SLC4A10: variants seen among roughly 807,000 people sequenced by gnomAD.
SLC4A10 encodes sodium-driven chloride bicarbonate exchanger.
SLC4A10 carries 42 observed loss-of-function variants against 137.7 expected under a neutral mutation model. The ratio of observed to expected loss-of-function variants is 0.30; its 90% CI spans 0.24 to 0.39. SLC4A10 has a LOEUF of 0.39. SLC4A10 is among the 10% of genes least tolerant of loss of function. The probability of loss-of-function intolerance (pLI) is 1.00; values close to 1 mark genes in which losing one functional copy is unlikely to be tolerated. For synonymous variants in SLC4A10, 474 were observed against 464.1 expected (o/e 1.02, Z -0.27); for missense variants, 925 against 1,355.0 (o/e 0.68, Z 4.98).
At chr2:161,788,959 C>G (rs970145568) in intron 2 of SLC4A10, among the ~76,000 whole-genome samples, 4 of 152,300 alleles carry the variant, frequency 2.6e-5, no homozygotes, top group Admixed American at 6.5e-5. Flanking sequence ...TTCCATGGAA[C>G]CTGCAGCTCC....
intron 15 of SLC4A10, among the ~76,000 whole-genome samples, chr2:161,913,706 A>C (rs1686410567): frequency 6.6e-6 from 1 of 151,198 alleles, no homozygotes; most frequent in Admixed American, 6.9e-5. Flanking sequence ...TGAAGAGTAG[A>C]ACCCTTTTTT....
At chr2:161,752,626 T>C (rs1325004973) in intron 1 of SLC4A10, among the ~76,000 whole-genome samples, 1 of 152,054 alleles carries the variant, frequency 6.6e-6, no homozygotes, top group Non-Finnish European at 1.5e-5. Flanking sequence ...AATGGAATAA[T>C]ATTCAGCCAT....
intron 3 of SLC4A10, among the ~76,000 whole-genome samples, chr2:161,812,511 C>A (rs985909097): frequency 7.9e-5 from 12 of 151,966 alleles, no homozygotes; most frequent in African/African-American, 2.7e-4. Context: ...AACCCTTGTT[C>A]CCTACCCTCC....
intron 1 of SLC4A10, among the ~76,000 whole-genome samples, chr2:161,709,144 A>T (rs1402000822): frequency 6.6e-6 from 1 of 151,486 alleles, no homozygotes; most frequent in Non-Finnish European, 1.5e-5. Flanking sequence ...TTCCAGATTA[A>T]GCCTGAATAG....
chr2:161,961,408 T>A (rs1696688951), intron 21 of SLC4A10, among the ~76,000 whole-genome samples: 1 of 152,238 alleles, frequency 6.6e-6, no homozygotes, highest in Non-Finnish European at 1.5e-5. Context: ...CCATGTTATA[T>A]GTTTTAATTT....
At chr2:161,781,777 G>A (rs2053044835) in intron 2 of SLC4A10, among the ~76,000 whole-genome samples, 2 of 151,988 alleles carry the variant, frequency 1.3e-5, no homozygotes, top group African/African-American at 2.4e-5. Context: ...TTCCCTTTGT[G>A]GGAAATCCAG....
At chr2:161,663,544 A>T (rs1218335720) in intron 1 of SLC4A10, among the ~76,000 whole-genome samples, 2 of 152,124 alleles carry the variant, frequency 1.3e-5, no homozygotes, top group East Asian at 3.8e-4. Flanking sequence ...CTTTTAACAT[A>T]CTTGAATCTA....
intron 1 of SLC4A10, among the ~76,000 whole-genome samples, chr2:161,642,138 T>C (rs1375992539): frequency 6.6e-6 from 1 of 151,958 alleles, no homozygotes; most frequent in East Asian, 1.9e-4. Flanking sequence ...CATGGCCTGG[T>C]ATAGAACTAA....
At chr2:161,975,183 C>G (rs4340536) in intron 24 of SLC4A10, among the ~76,000 whole-genome samples, 57,429 of 151,958 alleles carry the variant, frequency 0.38, 11,479 homozygotes, top group Admixed American at 0.46. Context: ...GGGGGCACAA[C>G]TATAAGATGT....
chr2:161,671,473 T>A (rs957094807), intron 1 of SLC4A10, among the ~76,000 whole-genome samples: 1 of 152,166 alleles, frequency 6.6e-6, no homozygotes, highest in Admixed American at 6.6e-5. Flanking sequence ...AATTCTTTTA[T>A]CTTTCTTGTG....
At chr2:161,829,466 G>A (rs2058278770) in intron 3 of SLC4A10, among the ~76,000 whole-genome samples, 1 of 152,020 alleles carries the variant, frequency 6.6e-6, no homozygotes, top group South Asian at 2.1e-4. Flanking sequence ...TTCTTTGCTT[G>A]CCATCATTTA....
intron 15 of SLC4A10, among the ~76,000 whole-genome samples, chr2:161,920,980 A>C (rs988585839): frequency 6.6e-6 from 1 of 152,224 alleles, no homozygotes; most frequent in Non-Finnish European, 1.5e-5. Flanking sequence ...CATGATATCC[A>C]CTCAAATAGT....
At chr2:161,977,432 G>T in intron 25 of SLC4A10, 1 of 494,882 alleles carries the variant, frequency 2.0e-6, no homozygotes, top group Non-Finnish European at 3.8e-6. Flanking sequence ...AGTTGTGGAT[G>T]GTAGTTTTAA....
At chr2:161,978,114 G>A (rs778201676) in intron 26 of SLC4A10, among the ~76,000 whole-genome samples, 4 of 152,128 alleles carry the variant, frequency 2.6e-5, no homozygotes, top group Non-Finnish European at 5.9e-5. Flanking sequence ...GCCTGGTGTG[G>A]TGACTCATGC....
chr2:161,817,673 G>C (rs947362354), intron 3 of SLC4A10, among the ~76,000 whole-genome samples: 4 of 152,132 alleles, frequency 2.6e-5, no homozygotes, highest in Admixed American at 6.5e-5. Context: ...GTAAGGAAGG[G>C]ATCCAGTTTC....
At chr2:161,966,746 A>C (rs902323734) in intron 23 of SLC4A10, among the ~76,000 whole-genome samples, 6 of 151,908 alleles carry the variant, frequency 3.9e-5, no homozygotes, top group Admixed American at 2.0e-4. Flanking sequence ...AAAAAAAAAA[A>C]AAACAAAAAA....
intron 15 of SLC4A10, among the ~76,000 whole-genome samples, chr2:161,934,644 T>C (rs1027665268): frequency 1.8e-4 from 27 of 152,162 alleles, no homozygotes; most frequent in Admixed American, 1.6e-3. Flanking sequence ...ACCATTCTTA[T>C]AGATGTGAGG....
In SLC4A10 at chr2:161,984,844, G is replaced by A. The variant is rs953509390; in HGVS notation, c.*1692G>A. 1 of 151,910 alleles carries A rather than the reference G, an allele frequency of 6.6e-6. No individual in the cohort carries two copies. Among genetic ancestry groups the A allele is most frequent in the Non-Finnish European group, 1.5e-5 (1 of 67,892 alleles). The allele number at this position is 151,910 out of a possible 1,614,324, so 9.4% of individuals were successfully genotyped here. On this transcript the variant is annotated 3_prime_UTR_variant, in exon 27 of 27. Coordinates refer to ENST00000446997, the MANE Select transcript of SLC4A10 (RefSeq NM_001178015.2). ...ATACTACATTGTAAACATTTCCATT[G>A]TTTTATGATTTAGCCAGTGATTCCC... is the stretch of plus-strand genomic sequence containing the variant.
At chr2:161,665,811 TA>T (rs1426947532) in intron 1 of SLC4A10, among the ~76,000 whole-genome samples, 5 of 151,390 alleles carry the variant, frequency 3.3e-5, no homozygotes, top group East Asian at 3.9e-4. Context: ...AAAACTCTGA[TA>T]AAAGAGTCCA....
Sources: gnomAD v4.1 joint callset for allele counts (sites outside exome capture counted in the v4.1 genomes callset) on GRCh38, gnomAD v4.1.1 for gene constraint, MANE v1.5 for transcripts, NCBI Gene and HGNC (gene_info 2026-07-23, HGNC 2026-07-21) for gene names.